The following GRIK3 variants were observed in gnomAD, a reference collection of about 807,000 sequenced individuals.
The protein encoded by GRIK3 is glutamate ionotropic receptor kainate type subunit 3, also known as glutamate receptor ionotropic, kainate 3.
Under a neutral mutation model 102.5 loss-of-function variants are expected in GRIK3, and 29 were observed. The ratio of observed to expected loss-of-function variants is 0.28; its 90% CI spans 0.21 to 0.39. The LOEUF (loss-of-function observed/expected upper bound fraction) is 0.39. Ranked by LOEUF, GRIK3 falls within the 10% of genes least tolerant of loss-of-function variation. The pLI, the probability that GRIK3 is intolerant of heterozygous loss-of-function variation, is 1.00. For synonymous variants in GRIK3, 511 were observed against 504.9 expected (o/e 1.01, Z -0.16); for missense variants, 908 against 1,252.4 (o/e 0.73, Z 4.15).
intron 1 of GRIK3, among the ~76,000 whole-genome samples, chr1:36,961,865 T>C (rs1220385511): frequency 6.6e-6 from 1 of 152,202 alleles, no homozygotes; most frequent in African/African-American, 2.4e-5. Context: ...GACTCAGCAG[T>C]AATCAGGACA....
intron 1 of GRIK3, among the ~76,000 whole-genome samples, chr1:36,974,224 T>C (rs983425149): frequency 2.6e-5 from 4 of 152,228 alleles, no homozygotes; most frequent in African/African-American, 9.6e-5. Context: ...GGGCAGGTGA[T>C]CACAGAAAAC....
rs556521209 is a variant in GRIK3, at chr1:36,801,611, C to T, written c.*240G>A. On this transcript the variant is annotated 3_prime_UTR_variant, in exon 16 of 16. Coordinates refer to ENST00000373091, the MANE Select transcript of GRIK3 (RefSeq NM_000831.4). ...GAGAGAGGCATGTGCTTCCTTTGGCCTTGGCTATCTCGGCTGGCAGCTTTA... is the reference window on the plus strand; with the variant it reads ...GAGAGAGGCATGTGCTTCCTTTGGCTTTGGCTATCTCGGCTGGCAGCTTTA... 7.3e-6 allele frequency: 3 copies of T among 408,292 alleles called. No homozygotes were observed. Among genetic ancestry groups the T allele is most frequent in the East Asian group, 7.6e-5 (2 of 26,372 alleles). 25.3% of individuals were successfully genotyped at this position (408,292 alleles called of 1,614,324 possible).
intron 1 of GRIK3, among the ~76,000 whole-genome samples, chr1:36,957,767 G>A (rs1437725151): frequency 8.1e-5 from 12 of 148,202 alleles, no homozygotes; most frequent in African/African-American, 3.0e-4. Flanking sequence ...GTGAGCATGT[G>A]TGTCCCATGA....
intron 1 of GRIK3, among the ~76,000 whole-genome samples, chr1:36,992,880 C>A (rs190685210): frequency 3.1e-4 from 47 of 152,274 alleles, no homozygotes; most frequent in South Asian, 2.1e-4. Context: ...TGGAACTGGA[C>A]AGTCTGATCC....
chr1:36,824,340 G>T (rs181590379), intron 11 of GRIK3, among the ~76,000 whole-genome samples: 1 of 152,316 alleles, frequency 6.6e-6, no homozygotes, highest in Admixed American at 6.5e-5. Context: ...GCTTTCAAAG[G>T]CTTGTTAGAC....
At chr1:36,969,181 C>G (rs1300902734) in intron 1 of GRIK3, among the ~76,000 whole-genome samples, 6 of 152,166 alleles carry the variant, frequency 3.9e-5, no homozygotes, top group Admixed American at 2.0e-4. Context: ...AGGGGCTGAG[C>G]AGGGCCCCAC....
chr1:37,019,721 G>A (rs983326798), intron 1 of GRIK3, among the ~76,000 whole-genome samples: 1 of 152,118 alleles, frequency 6.6e-6, no homozygotes, highest in Non-Finnish European at 1.5e-5. Flanking sequence ...ATGTGAAAAA[G>A]ACAGGAAATA....
chr1:36,940,255 C>T (rs1189628354), intron 1 of GRIK3, among the ~76,000 whole-genome samples: 1 of 152,258 alleles, frequency 6.6e-6, no homozygotes, highest in Non-Finnish European at 1.5e-5. Context: ...GTGTCTCCAC[C>T]TCCGTCCTGT....
intron 10 of GRIK3, among the ~76,000 whole-genome samples, chr1:36,838,618 T>A (rs957642891): frequency 6.6e-6 from 1 of 152,114 alleles, no homozygotes; most frequent in African/African-American, 2.4e-5. Flanking sequence ...GCAGGGAGTA[T>A]CTGGGAAGGG....
intron 1 of GRIK3, among the ~76,000 whole-genome samples, chr1:37,029,173 C>A (rs1255303376): frequency 6.6e-6 from 1 of 152,200 alleles, no homozygotes; most frequent in African/African-American, 2.4e-5. Flanking sequence ...AAGGCCAAGG[C>A]GCCAGCCCCA....
At chr1:37,033,792 C>G (rs1461793143) in intron 1 of GRIK3, among the ~76,000 whole-genome samples, 2 of 152,206 alleles carry the variant, frequency 1.3e-5, no homozygotes, top group Non-Finnish European at 2.9e-5. Context: ...CACTGCGGCC[C>G]GGCGGCCTCC....
chr1:36,806,127 C>T lies in GRIK3; in HGVS notation c.2291G>A (p.Gly764Asp), dbSNP rs780870734. 3 of 1,613,888 alleles carry T rather than the reference C, an allele frequency of 1.9e-6. No individual in the cohort carries two copies. The highest frequency in any genetic ancestry group is 2.5e-6 in the Non-Finnish European group (3 of 1,179,946). Reference sequence around the variant, plus strand: ...ACCCATGGGCGTGCCGATGCCGTAGCCCTTGGAGTCAATGAGGCCCCCGAT... The same window carrying T: ...ACCCATGGGCGTGCCGATGCCGTAGTCCTTGGAGTCAATGAGGCCCCCGAT... ...TQIGGLIDSK[G>D]YGIGTPMGSP... The change falls in exon 14 of 16, where the codon GGC becomes GAC. Residue 764 changes from glycine to aspartate, a missense_variant. Gly to Asp is a moderately conservative substitution (Grantham distance 94). Coordinates refer to ENST00000373091, the MANE Select transcript of GRIK3 (RefSeq NM_000831.4). The surrounding 1 kb of genome is among the most constrained non-coding windows in gnomAD (Gnocchi z 4.0).
intron 1 of GRIK3, among the ~76,000 whole-genome samples, chr1:37,002,206 T>A (rs373470772): frequency 1.3e-5 from 2 of 152,346 alleles, no homozygotes; most frequent in South Asian, 2.1e-4. Flanking sequence ...CATAGTAGAT[T>A]AAGCTAGTTG....
intron 1 of GRIK3, among the ~76,000 whole-genome samples, chr1:36,939,298 G>T (rs999172838): frequency 1.3e-5 from 2 of 152,242 alleles, no homozygotes; most frequent in East Asian, 1.9e-4. Flanking sequence ...TGCTGCAAGG[G>T]TGCTGGAGGA....
chr1:36,961,363 G>T (rs1486000139), intron 1 of GRIK3, among the ~76,000 whole-genome samples: 1 of 151,608 alleles, frequency 6.6e-6, no homozygotes, highest in Non-Finnish European at 1.5e-5. Flanking sequence ...AATTATCTTT[G>T]TTCTGACAGG....
At chr1:36,976,840 C>T (rs1013821404) in intron 1 of GRIK3, among the ~76,000 whole-genome samples, 2 of 152,124 alleles carry the variant, frequency 1.3e-5, no homozygotes, top group African/African-American at 4.8e-5. Context: ...GTGGGCTGAT[C>T]GATCCCCTCC....
intron 1 of GRIK3, among the ~76,000 whole-genome samples, chr1:36,946,219 T>C (rs543215318): frequency 3.9e-5 from 6 of 152,352 alleles, no homozygotes; most frequent in African/African-American, 1.4e-4. Flanking sequence ...ACCTGGAGCC[T>C]GGGGCTGGAG....
At chr1:36,805,493 G>A (rs1478339607) in intron 14 of GRIK3, among the ~76,000 whole-genome samples, 2 of 152,228 alleles carry the variant, frequency 1.3e-5, no homozygotes, top group Non-Finnish European at 2.9e-5. Context: ...CCCCTGAGCT[G>A]CATCAGCAGG....
At chr1:36,998,370 T>C (rs1420556563) in intron 1 of GRIK3, among the ~76,000 whole-genome samples, 1 of 152,174 alleles carries the variant, frequency 6.6e-6, no homozygotes, top group Non-Finnish European at 1.5e-5. Flanking sequence ...GGCCTGACCA[T>C]AGGGCTTGTA....
Sources: allele counts gnomAD v4.1 joint callset (sites outside exome capture counted in the v4.1 genomes callset), GRCh38; gene constraint gnomAD v4.1.1; non-coding constraint Gnocchi (gnomAD v3.1); transcripts MANE v1.5; gene names NCBI Gene and HGNC (gene_info 2026-07-23, HGNC 2026-07-21).